Variants in PGM2 observed in about 807,000 individuals in gnomAD.
The protein encoded by PGM2 is phosphopentomutase.
A neutral mutation model predicts 74.6 loss-of-function variants in PGM2; 57 were observed. The ratio of observed to expected loss-of-function variants is 0.76; its 90% CI spans 0.62 to 0.95. The LOEUF (loss-of-function observed/expected upper bound fraction) is 0.95. Ranked by LOEUF, PGM2 falls within the 40% of genes least tolerant of loss-of-function variation. The pLI is 0.00. For synonymous variants in PGM2, 273 were observed against 260.7 expected (o/e 1.05, Z -0.46); for missense variants, 706 against 741.9 (o/e 0.95, Z 0.56).
At chr4:37,841,780 A>G (rs1211547530) in intron 6 of PGM2, among the ~76,000 whole-genome samples, 1 of 152,226 alleles carries the variant, frequency 6.6e-6, no homozygotes, top group Non-Finnish European at 1.5e-5. Flanking sequence ...CACTCCAGGT[A>G]GCTTGGGAGT....
chr4:37,846,944 G>A lies in PGM2; in HGVS notation c.1021G>A (p.Val341Met), dbSNP rs762388948. ...AEKQDSGEWR[V>M]FSGNELGALL... ...TTTTTCTTTCAGTGGTGAATGGAGG[G>A]TGTTTTCAGGCAATGAGTTGGGGGC... is the stretch of plus-strand genomic sequence containing the variant. The change falls in exon 9 of 14, where the codon GTG becomes ATG. Residue 341 changes from valine to methionine, a missense_variant. Transcript: ENST00000381967. 1.2e-6 allele frequency: 2 copies of A among 1,608,576 alleles called. No homozygotes were observed. Among genetic ancestry groups the A allele is most frequent in the Admixed American group, 1.7e-5 (1 of 58,818 alleles).
In PGM2 at chr4:37,861,979, C is replaced by T. The variant is rs960982260; in HGVS notation, c.*367C>T. On this transcript the variant is annotated 3_prime_UTR_variant, in exon 14 of 14. Coordinates refer to ENST00000381967, the MANE Select transcript of PGM2 (RefSeq NM_018290.4). The stretch of plus-strand genomic sequence containing the variant: ...TGTGTGCTTGAAATATCCAGAAAAC[C>T]TATGGAGTTAGTAAATTCTGGGCTG... 1 of 168,968 alleles carries T rather than the reference C, an allele frequency of 5.9e-6. No homozygotes were observed. The highest frequency in any genetic ancestry group is 1.5e-4 in the South Asian group (1 of 6,710). The allele number at this position is 168,968 out of a possible 1,614,324, so 10.5% of individuals were successfully genotyped here. A position where few individuals can be genotyped will look rare whatever the true frequency, so the allele number is the denominator to read the frequency against.
rs770618808 is a variant in PGM2, at chr4:37,861,713, G to A, written c.*101G>A. On this transcript the variant is annotated 3_prime_UTR_variant, in exon 14 of 14. Transcript: ENST00000381967. Reference sequence around the variant, plus strand: ...GGCCAAATGATTCAAAACATCACAGGTATTTATGTGTTTTACAAAGACCTA... The same window carrying A: ...GGCCAAATGATTCAAAACATCACAGATATTTATGTGTTTTACAAAGACCTA... 4.1e-5 allele frequency: 29 copies of A among 711,354 alleles called. No individual in the cohort carries two copies. The highest frequency in any genetic ancestry group is 6.9e-5 in the Non-Finnish European group (27 of 390,320). The allele number at this position is 711,354 out of a possible 1,614,324, so 44.1% of individuals were successfully genotyped here. A position where few individuals can be genotyped will look rare whatever the true frequency, so the allele number is the denominator to read the frequency against.
Position 37,839,839 on chromosome 4 carries a change from A to G in PGM2, c.442-9A>G, listed in dbSNP as rs762227691. On this transcript the variant is annotated splice_polypyrimidine_tract_variant and intron_variant, in intron 4 of 13. Coordinates refer to ENST00000381967, the MANE Select transcript of PGM2 (RefSeq NM_018290.4). The stretch of plus-strand genomic sequence containing the variant: ...AAACTGTTTGTTCTTGTTTCCTGCT[A>G]TGTTACAGCCCTTCACAGTATCACA... 3.3e-6 allele frequency: 5 copies of G among 1,512,030 alleles called. No individual in the cohort carries two copies. The highest frequency in any genetic ancestry group is 1.7e-5 in the Admixed American group (1 of 58,912). 93.7% of individuals were successfully genotyped at this position (1,512,030 alleles called of 1,614,324 possible).
intron 6 of PGM2, among the ~76,000 whole-genome samples, chr4:37,841,211 C>T (rs2152177195): frequency 8.9e-6 from 1 of 112,824 alleles, no homozygotes; most frequent in South Asian, 2.5e-4. Context: ...CACTTTTCCC[C>T]CCAATTAATT....
intron 2 of PGM2, among the ~76,000 whole-genome samples, chr4:37,833,136 T>C (rs1398286964): frequency 1.3e-5 from 2 of 152,188 alleles, no homozygotes; most frequent in African/African-American, 4.8e-5. Flanking sequence ...CATGGCCTTA[T>C]TTCCTTGTAT....
intron 12 of PGM2, among the ~76,000 whole-genome samples, chr4:37,854,410 G>A (rs1250611637): frequency 2.0e-5 from 3 of 151,906 alleles, no homozygotes; most frequent in South Asian, 4.1e-4. Context: ...GAGTGCAGTG[G>A]CGCAATCTCG....
At chr4:37,848,745 C>T in intron 11 of PGM2, 94 bp downstream of exon 11, 1 of 962,600 alleles carries the variant, frequency 1.0e-6, no homozygotes, top group Non-Finnish European at 1.6e-6. Flanking sequence ...TTCTAATGCT[C>T]TTATTTTGGT....
chr4:37,833,782 A>G (rs1407568122), intron 2 of PGM2, among the ~76,000 whole-genome samples: 2 of 152,124 alleles, frequency 1.3e-5, no homozygotes, highest in African/African-American at 4.8e-5. Flanking sequence ...TCATTCATTT[A>G]CTCCTTATGA....
intron 1 of PGM2, among the ~76,000 whole-genome samples, chr4:37,828,509 C>T (rs569997078): frequency 5.3e-5 from 8 of 152,238 alleles, no homozygotes; most frequent in East Asian, 3.9e-4. Flanking sequence ...ACTGGCAAGG[C>T]GCCCTGGCAG....
At chr4:37,835,286 G>T (rs551943147) in intron 3 of PGM2, among the ~76,000 whole-genome samples, 1 of 152,150 alleles carries the variant, frequency 6.6e-6, no homozygotes, top group Non-Finnish European at 1.5e-5. Flanking sequence ...AGGAGGAGTC[G>T]CAATTTAAGC....
At chr4:37,857,549 T>C (rs1222094554) in intron 13 of PGM2, among the ~76,000 whole-genome samples, 1 of 152,042 alleles carries the variant, frequency 6.6e-6, no homozygotes, top group Non-Finnish European at 1.5e-5. Context: ...AGCTCACCAC[T>C]CCATGAGTTT....
intron 8 of PGM2, 114 bp from the exon 9 acceptor site, chr4:37,846,817 T>G (rs1435679186): frequency 6.3e-6 from 5 of 795,828 alleles, no homozygotes; most frequent in Non-Finnish European, 1.0e-5. Flanking sequence ...AGAACAGCCT[T>G]GCAGAAAATA....
At chr4:37,849,335 C>T (rs897578567) in intron 11 of PGM2, among the ~76,000 whole-genome samples, 6 of 150,892 alleles carry the variant, frequency 4.0e-5, no homozygotes, top group Non-Finnish European at 7.4e-5. Context: ...TGTGACCTGG[C>T]TCTCTGTGCA....
intron 3 of PGM2, among the ~76,000 whole-genome samples, chr4:37,836,862 G>GGTGTGTGTGT (rs57338198): frequency 0.048 from 7,213 of 150,482 alleles, 411 homozygotes; most frequent in African/African-American, 0.13. Flanking sequence ...TATGTGTATG[G>GGTGTGTGTGT]GTGTGTGTGT....
Position 37,862,697 on chromosome 4 carries a change from A to G in PGM2, c.*1085A>G, listed in dbSNP as rs1192562305. The stretch of plus-strand genomic sequence containing the variant: ...AAAGCAAATGATTGCCATTATGATT[A>G]CACTCAACCTAAATAGTTATGAACA... On this transcript the variant is annotated 3_prime_UTR_variant, in exon 14 of 14. Coordinates refer to ENST00000381967, the MANE Select transcript of PGM2 (RefSeq NM_018290.4). 1 of 152,148 alleles carries G rather than the reference A, an allele frequency of 6.6e-6. No individual in the cohort carries two copies. The highest frequency in any genetic ancestry group is 1.5e-5 in the Non-Finnish European group (1 of 68,030). 9.4% of individuals were successfully genotyped at this position (152,148 alleles called of 1,614,324 possible).
intron 12 of PGM2, among the ~76,000 whole-genome samples, chr4:37,851,101 A>T (rs1436904067): frequency 6.6e-6 from 1 of 151,864 alleles, no homozygotes; most frequent in East Asian, 1.9e-4. Context: ...CACAGAGCTT[A>T]GTTGGTGGTG....
At position 37,855,685 on chromosome 4, in the gene PGM2, T is replaced by C. The variant is rs1726174334; in HGVS notation, c.1680T>C (p.Ser560=). The C allele has an allele frequency of 6.2e-7, 1 of 1,614,122 alleles. No individual in the cohort carries two copies. The highest frequency in any genetic ancestry group is 1.3e-5 in the African/African-American group (1 of 75,052). Residue 560 remains serine, a synonymous_variant, in exon 13 of 14, where the codon AGT becomes AGC. Transcript: ENST00000381967. ...ANGGVATMRT[S]GTEPKIKYYA... ...GAGGCGTGGCCACCATGCGCACCAG[T>C]GGGACAGAGCCCAAAATCAAGTACT...
At position 37,830,132 on chromosome 4, in the gene PGM2, G is replaced by C. The variant is rs1725401516; in HGVS notation, c.249+1G>C. The C allele has an allele frequency of 2.6e-6, 4 of 1,540,236 alleles. No individual in the cohort carries two copies. Among genetic ancestry groups the C allele is most frequent in the Admixed American group, 4.4e-5 (2 of 45,796 alleles). ...CTTGACCATCATCCAGACTACACAG[G>C]TACCATGTTTTTTATAATTCTTAGT... On this transcript the variant is annotated splice_donor_variant, in intron 2 of 13. Transcript: ENST00000381967. LOFTEE classifies it high-confidence loss of function.
Sources: allele counts gnomAD v4.1 joint callset (sites outside exome capture counted in the v4.1 genomes callset), GRCh38; gene constraint gnomAD v4.1.1; transcripts MANE v1.5; gene names NCBI Gene and HGNC (gene_info 2026-07-23, HGNC 2026-07-21).